The following KIAA1217 variants were observed in gnomAD, a reference collection of about 807,000 sequenced individuals.
KIAA1217 encodes sickle tail protein homolog.
Under a neutral mutation model 163.9 loss-of-function variants are expected in KIAA1217, and 88 were observed. The observed-to-expected ratio is 0.54, with a 90% CI of 0.45 to 0.64. The LOEUF is 0.64. KIAA1217 is among the 30% of genes least tolerant of loss of function. The pLI is 0.00. For synonymous variants in KIAA1217, 903 were observed against 923.1 expected, an observed-to-expected ratio of 0.98 and a Z score of 0.39; for missense variants, 2,372 against 2,475.0, an observed-to-expected ratio of 0.96 and a Z score of 0.88.
chr10:23,992,508 T>C (rs1396841722), intron 1 of KIAA1217, among the ~76,000 whole-genome samples: 1 of 152,108 alleles, frequency 6.6e-6, no homozygotes, highest in African/African-American at 2.4e-5. Context: ...AATATGCTCA[T>C]GTCCTGATTT....
chr10:24,187,488 A>T (rs771101028), intron 2 of KIAA1217, among the ~76,000 whole-genome samples: 3 of 152,232 alleles, frequency 2.0e-5, no homozygotes, highest in Admixed American at 1.3e-4. Context: ...AAAACATCAT[A>T]ACTATCAGCA....
chr10:24,388,844 TCC>T lies in KIAA1217; in HGVS notation c.553+7778_553+7779del, dbSNP rs1564594017. 4.5e-3 allele frequency among the ~76,000 whole-genome samples: 628 copies of T among 138,858 alleles called. 15 individuals are homozygous for T. Among genetic ancestry groups the T allele is most frequent in the African/African-American group, 0.017 (586 of 33,760 alleles). The allele number at this position is 138,858 out of a possible 152,430, so 91.1% of individuals were successfully genotyped here. On this transcript the variant is annotated intron_variant, in intron 3 of 20. Coordinates refer to ENST00000376454, the MANE Select transcript of KIAA1217 (RefSeq NM_019590.5). ...TGGTCATCAGAGAAATGCAAATCAA[TCC>T]ACAATGAGATACCATCTCACACCAG... is the stretch of plus-strand genomic sequence containing the variant.
intron 2 of KIAA1217, among the ~76,000 whole-genome samples, chr10:24,127,960 C>A (rs1033671125): frequency 6.6e-6 from 1 of 152,142 alleles, no homozygotes; most frequent in Admixed American, 6.5e-5. Context: ...CACACACATA[C>A]AAAAAGAACA....
chr10:23,869,862 C>G (rs192045891), intron 1 of KIAA1217, among the ~76,000 whole-genome samples: 1 of 152,164 alleles, frequency 6.6e-6, no homozygotes, highest in African/African-American at 2.4e-5. Context: ...TATTTTTAGT[C>G]AATATTTAGT....
chr10:23,854,121 G>A (rs1490506879), intron 1 of KIAA1217, among the ~76,000 whole-genome samples: 1 of 151,928 alleles, frequency 6.6e-6, no homozygotes, highest in African/African-American at 2.4e-5. Context: ...GTCAATTTTG[G>A]ATCTTTCCTG....
Position 23,847,632 on chromosome 10 carries a change from G to A in KIAA1217, c.-321+152398G>A, listed in dbSNP as rs1352119480. 5.3e-5 allele frequency among the ~76,000 whole-genome samples: 8 copies of A among 151,816 alleles called. No individual in the cohort carries two copies. The East Asian group carries it at 5.8e-4, about 11-fold the overall frequency. On this transcript the variant is annotated intron_variant, in intron 1 of 18. Transcript: ENST00000376462. The stretch of plus-strand genomic sequence containing the variant: ...TTTCTTCTTTGTTATTCTGGCTATC[G>A]CTCTATCAATTTTGTTGATCTTTTC...
rs937645941 is a variant in KIAA1217 at position 23,695,703 on chromosome 10, C to G, written c.-321+469C>G. Among the ~76,000 whole-genome samples the G allele has an allele frequency of 2.0e-5, 3 of 152,152 alleles. No homozygotes were observed. The highest frequency in any genetic ancestry group is 7.2e-5 in the African/African-American group (3 of 41,454). ...GGGGCAAGGAGAGAGAGAACCGGCCCCGAGACGGGCTGGAGGGTGGGGACA... is the reference window on the plus strand; with the variant it reads ...GGGGCAAGGAGAGAGAGAACCGGCCGCGAGACGGGCTGGAGGGTGGGGACA... On this transcript the variant is annotated intron_variant, in intron 1 of 18. Transcript: ENST00000376462. This position sits in a 1 kb window ranked among gnomAD's most constrained non-coding sequence, Gnocchi z 4.9.
At chr10:24,106,492 T>C (rs141882834) in intron 2 of KIAA1217, among the ~76,000 whole-genome samples, 276 of 151,304 alleles carry the variant, frequency 1.8e-3, no homozygotes, top group African/African-American at 6.6e-3. Flanking sequence ...TTATAAAGCC[T>C]GTAGGGGACT....
intron 4 of KIAA1217, among the ~76,000 whole-genome samples, chr10:24,437,356 G>T (rs1387689103): frequency 6.6e-6 from 1 of 152,224 alleles, no homozygotes; most frequent in Non-Finnish European, 1.5e-5. Flanking sequence ...GCAATTACTG[G>T]CGGATATTTA....
chr10:23,979,041 T>C (rs1430807501), intron 1 of KIAA1217, among the ~76,000 whole-genome samples: 3 of 152,204 alleles, frequency 2.0e-5, no homozygotes, highest in Non-Finnish European at 4.4e-5. Flanking sequence ...GAGCCTTACC[T>C]GGATCATCAG....
chr10:23,757,439 TG>T (rs1182519333), intron 1 of KIAA1217, among the ~76,000 whole-genome samples: 1 of 152,288 alleles, frequency 6.6e-6, no homozygotes, highest in African/African-American at 2.4e-5. Context: ...TCCTTATGGG[TG>T]TGAGGGGGTG....
intron 3 of KIAA1217, among the ~76,000 whole-genome samples, chr10:24,416,225 A>G (rs2058236770): frequency 6.6e-6 from 1 of 152,214 alleles, no homozygotes; most frequent in Non-Finnish European, 1.5e-5. Context: ...TTGTTCCCCA[A>G]TATATAAACT....
chr10:23,927,678 C>T (rs557772686), intron 1 of KIAA1217, among the ~76,000 whole-genome samples: 1 of 151,958 alleles, frequency 6.6e-6, no homozygotes, highest in Non-Finnish European at 1.5e-5. Flanking sequence ...CTGTCCTTTC[C>T]CAGAATAAAT....
intron 2 of KIAA1217, among the ~76,000 whole-genome samples, chr10:24,135,342 G>A (rs2063794895): frequency 6.6e-6 from 1 of 152,110 alleles, no homozygotes; most frequent in Non-Finnish European, 1.5e-5. Flanking sequence ...CTTTAAGTCA[G>A]TGAGTTTTAG....
intron 2 of KIAA1217, among the ~76,000 whole-genome samples, chr10:24,099,145 C>CT (rs957936768): frequency 8.0e-5 from 12 of 150,608 alleles, no homozygotes; most frequent in Admixed American, 3.3e-4. Flanking sequence ...AGGCCCTTTT[C>CT]TTTTTTTTTA....
At chr10:24,204,905 C>T (rs923056459), upstream of KIAA1217, among the ~76,000 whole-genome samples, 12 of 152,294 alleles carry the variant, frequency 7.9e-5, no homozygotes, top group African/African-American at 2.9e-4. Context: ...ACATCAAACA[C>T]GAGGCCTCTG....
At chr10:24,233,175 C>T (rs1564312675) in intron 2 of KIAA1217, among the ~76,000 whole-genome samples, 8 of 152,148 alleles carry the variant, frequency 5.3e-5, no homozygotes. Context: ...CATCTGCCCT[C>T]TCTTAGTCCA....
intron 1 of KIAA1217, among the ~76,000 whole-genome samples, chr10:23,814,027 C>T (rs1265885610): frequency 6.6e-6 from 1 of 152,122 alleles, no homozygotes; most frequent in Non-Finnish European, 1.5e-5. Flanking sequence ...AGTAGTATAT[C>T]CATGACTTTT....
chr10:23,839,326 GTTC>G lies in KIAA1217; in HGVS notation c.-321+144101_-321+144103del, dbSNP rs1248481354. ...TAGTAGACCTTTTTTGAGGCATGTGGTTCTTCTTCTTGAAGATGACATTTCTCT... is the reference window on the plus strand; with the variant it reads ...TAGTAGACCTTTTTTGAGGCATGTGGTTCTTCTTGAAGATGACATTTCTCT... On this transcript the variant is annotated intron_variant, in intron 1 of 18. Transcript: ENST00000376462. Among the ~76,000 whole-genome samples the G allele has an allele frequency of 7.9e-5, 12 of 152,112 alleles. 1 individual carries two copies. The highest frequency in any genetic ancestry group is 7.2e-4 in the Admixed American group (11 of 15,260).
Sources: gnomAD v4.1 joint callset for allele counts (sites outside exome capture counted in the v4.1 genomes callset) on GRCh38, gnomAD v4.1.1 for gene constraint, Gnocchi (gnomAD v3.1) non-coding constraint, MANE v1.5 for transcripts, NCBI Gene and HGNC (gene_info 2026-07-23, HGNC 2026-07-21) for gene names.